MGAT1: variants seen among roughly 807,000 people sequenced by gnomAD.
MGAT1 encodes the protein N-glycosyl-oligosaccharide-glycoprotein N-acetylglucosaminyltransferase I.
In MGAT1, 14 loss-of-function variants were observed where a neutral mutation model predicts 31.7. The ratio of observed to expected loss-of-function variants is 0.44; its 90% CI spans 0.29 to 0.69. The LOEUF is 0.69. Ranked by LOEUF, MGAT1 falls within the 30% of genes least tolerant of loss-of-function variation. The pLI is 0.12. For missense variants in MGAT1, 557 were observed against 626.0 expected (o/e 0.89, Z 1.18); for synonymous variants, 338 against 276.0 (o/e 1.22, Z -2.23).
chr5:180,792,848 C>A lies in MGAT1; in HGVS notation c.124G>T (p.Ala42Ser), dbSNP rs767833331. Residue 42 changes from alanine to serine, a missense_variant, in exon 2 of 2, where the codon GCT becomes TCT. Ala to Ser is a moderately conservative substitution (Grantham distance 99). Coordinates refer to ENST00000307826, the MANE Select transcript of MGAT1 (RefSeq NM_002406.4). ...PAPGRPPSVS[A>S]LDGDPASLTR... The stretch of plus-strand genomic sequence containing the variant: ...AGGCTGGCGGGGTCGCCATCGAGAG[C>A]GCTGACTGAGGGTGGCCTGCCAGGT... 1 of 1,568,822 alleles carries A rather than the reference C, an allele frequency of 6.4e-7. No homozygotes were observed. The highest frequency in any genetic ancestry group is 8.6e-7 in the Non-Finnish European group (1 of 1,157,910).
At chr5:180,799,494 TA>T (rs1158346326) in intron 1 of MGAT1, among the ~76,000 whole-genome samples, 3 of 152,164 alleles carry the variant, frequency 2.0e-5, no homozygotes, top group Non-Finnish European at 4.4e-5. Flanking sequence ...CTCCACGCTG[TA>T]ACAGAATCTG....
At chr5:180,811,381 T>A (rs1355171339) in intron 1 of MGAT1, 1 of 152,220 alleles carries the variant, frequency 6.6e-6, no homozygotes, top group African/African-American at 2.4e-5. Flanking sequence ...ATTGCTTAAT[T>A]ATATTGCTTG....
At position 180,792,118 on chromosome 5, in the gene MGAT1, T is replaced by G; in HGVS notation, c.854A>C (p.Lys285Thr). Residue 285 changes from lysine to threonine, a missense_variant, in exon 2 of 2, where the codon AAG (lysine) becomes ACG (threonine). By Grantham distance (78) the Lys-to-Thr change is moderately conservative. Coordinates refer to ENST00000307826, the MANE Select transcript of MGAT1 (RefSeq NM_002406.4). ...CCGCATCCAGTCGTCCCAGAAGGCCTTTGGCCACTTGGGCTCCAGCTCAGC... is the reference window on the plus strand; with the variant it reads ...CCGCATCCAGTCGTCCCAGAAGGCCGTTGGCCACTTGGGCTCCAGCTCAGC... ...LWAELEPKWPKAFWDDWMRRP... is the reference protein window; with the variant it reads ...LWAELEPKWPTAFWDDWMRRP... 1 of 1,613,276 alleles carries G rather than the reference T, an allele frequency of 6.2e-7. No individual in the cohort carries two copies. Among genetic ancestry groups the G allele is most frequent in the Non-Finnish European group, 8.5e-7 (1 of 1,179,926 alleles).
chr5:180,810,567 G>C (rs1014169189), intron 1 of MGAT1: 4 of 152,320 alleles, frequency 2.6e-5, no homozygotes, highest in Non-Finnish European at 4.4e-5. Flanking sequence ...GGGCGAGGAC[G>C]CTGAAGTAGG....
At chr5:180,798,591 C>A (rs1031549947) in intron 1 of MGAT1, among the ~76,000 whole-genome samples, 6 of 152,212 alleles carry the variant, frequency 3.9e-5, no homozygotes, top group Non-Finnish European at 5.9e-5. Context: ...GATCTAAAAA[C>A]ATCCACAGTT....
At chr5:180,794,677 CCT>C (rs987942386) in intron 1 of MGAT1, among the ~76,000 whole-genome samples, 8 of 149,476 alleles carry the variant, frequency 5.4e-5, no homozygotes, top group South Asian at 4.3e-4. Flanking sequence ...GATTTGATCC[CCT>C]GTGTGGTGGT....
chr5:180,791,607 G>T lies in MGAT1; in HGVS notation c.*27C>A. On this transcript the variant is annotated 3_prime_UTR_variant, in exon 2 of 2. Transcript: ENST00000307826. ...CCACCTCAGCTCATGATGTGGCAAG[G>T]AGGGGCCCAGGAAGGACAGGCAGGT... 1.2e-6 allele frequency: 2 copies of T among 1,606,416 alleles called. No homozygotes were observed. Among genetic ancestry groups the T allele is most frequent in the Non-Finnish European group, 1.7e-6 (2 of 1,175,916 alleles).
Position 180,792,843 on chromosome 5 carries a change from G to C in MGAT1, c.129C>G (p.Leu43=). Residue 43 remains leucine (L), a synonymous_variant, in exon 2 of 2, where the codon CTC becomes CTG. Transcript: ENST00000307826. The stretch of plus-strand genomic sequence containing the variant: ...GGGTGAGGCTGGCGGGGTCGCCATC[G>C]AGAGCGCTGACTGAGGGTGGCCTGC... ...APGRPPSVSA[L]DGDPASLTRE... is the part of the protein sequence containing the mutation. 1 of 1,565,842 alleles carries C rather than the reference G, an allele frequency of 6.4e-7. No individual in the cohort carries two copies. Among genetic ancestry groups the C allele is most frequent in the East Asian group, 2.4e-5 (1 of 42,110 alleles).
intron 1 of MGAT1, chr5:180,810,381 G>A (rs1338404141): frequency 6.6e-6 from 1 of 152,582 alleles, no homozygotes; most frequent in Non-Finnish European, 1.5e-5. Flanking sequence ...GAACAGGTGT[G>A]GGCAGAACCA....
intron 1 of MGAT1, among the ~76,000 whole-genome samples, chr5:180,799,043 C>G: frequency 6.6e-6 from 1 of 152,136 alleles, no homozygotes; most frequent in Non-Finnish European, 1.5e-5. Flanking sequence ...AGCTGGTCCA[C>G]CTGTCACTAA....
At position 180,787,533 on chromosome 5, in the gene MGAT1, A is replaced by G. The variant is rs1384443873; in HGVS notation, c.*4101T>C. On this transcript the variant is annotated 3_prime_UTR_variant, in exon 2 of 2. Coordinates refer to ENST00000307826, the MANE Select transcript of MGAT1 (RefSeq NM_002406.4). ...TTGGTGGTAAATGTTTTATCTATGC[A>G]TATTATGTATAGATGTGAGGAAGAC... 1 of 152,232 alleles carries G rather than the reference A, an allele frequency of 6.6e-6. No homozygotes were observed. The highest frequency in any genetic ancestry group is 1.5e-5 in the Non-Finnish European group (1 of 68,046). 9.4% of individuals were successfully genotyped at this position (152,232 alleles called of 1,614,324 possible).
In MGAT1 at chr5:180,792,888, G is replaced by A; in HGVS notation, c.84C>T (p.Phe28=). The A allele has an allele frequency of 6.2e-7, 1 of 1,604,270 alleles. No homozygotes were observed. Among genetic ancestry groups the A allele is most frequent in the Non-Finnish European group, 8.5e-7 (1 of 1,175,960 alleles). ...VAWNALLLLF[F]WTRPAPGRPP... is the part of the protein sequence containing the mutation. Reference sequence around the variant, plus strand: ...GCCTGCCAGGTGCTGGGCGCGTCCAGAAGAAGAGGAGCAGCAGGGCATTCC... The same window carrying A: ...GCCTGCCAGGTGCTGGGCGCGTCCAAAAGAAGAGGAGCAGCAGGGCATTCC... The change falls in exon 2 of 2, where the codon TTC becomes TTT. Residue 28 remains phenylalanine, a synonymous_variant. Transcript: ENST00000307826.
intron 1 of MGAT1, chr5:180,810,670 C>CA (rs1772481934): frequency 8.9e-6 from 1 of 112,716 alleles, no homozygotes; most frequent in Admixed American, 7.7e-5. Flanking sequence ...AAAAGGGTGA[C>CA]CCCCCCCCTC....
chr5:180,815,366 A>T (rs1016374586), intron 1 of MGAT1: 1 of 152,418 alleles, frequency 6.6e-6, no homozygotes, highest in African/African-American at 2.4e-5. Context: ...CCAGGCCCAC[A>T]TGTCCAATTC....
chr5:180,799,383 G>A (rs1417553771), intron 1 of MGAT1, among the ~76,000 whole-genome samples: 1 of 152,092 alleles, frequency 6.6e-6, no homozygotes, highest in Non-Finnish European at 1.5e-5. Flanking sequence ...AGCGCCACCT[G>A]CCAGCCACCC....
At chr5:180,799,628 T>C (rs1259932213) in intron 1 of MGAT1, among the ~76,000 whole-genome samples, 2 of 152,322 alleles carry the variant, frequency 1.3e-5, no homozygotes, top group African/African-American at 2.4e-5. Flanking sequence ...CTGCTTGCAC[T>C]ATTACCGAAA....
rs1767963457 is a variant in MGAT1 at position 180,790,927 on chromosome 5, C to T, written c.*707G>A. The T allele has an allele frequency of 6.6e-6, 1 of 152,318 alleles. No homozygotes were observed. The highest frequency in any genetic ancestry group is 2.1e-4 in the South Asian group (1 of 4,836). 9.4% of individuals were successfully genotyped at this position (152,318 alleles called of 1,614,324 possible). A position where few individuals can be genotyped will look rare whatever the true frequency, so the allele number is the denominator to read the frequency against. ...GGCATAGTCCCTCTCTGAGGTAAGG[C>T]AAGAGAGAGGTTGTCCCAGCACAAG... On this transcript the variant is annotated 3_prime_UTR_variant, in exon 2 of 2. Transcript: ENST00000307826.
At position 180,791,759 on chromosome 5, in the gene MGAT1, C is replaced by A; in HGVS notation, c.1213G>T (p.Asp405Tyr). Reference protein sequence around the residue: ...KAFAKALGVMDDLKSGVPRAG... With the variant: ...KAFAKALGVMYDLKSGVPRAG... ...CTCGGAACCCCCGACTTAAGGTCAT[C>A]CATGACACCCAGAGCCTTGGCGAAA... The change falls in exon 2 of 2, where the codon GAT becomes TAT. Residue 405 changes from aspartate (D) to tyrosine (Y), a missense_variant. By Grantham distance (160) the Asp-to-Tyr change is radical. This residue lies in a region of MGAT1 where 145 missense variants were observed against 143.2 expected (regional missense o/e 1.01). Coordinates refer to ENST00000307826, the MANE Select transcript of MGAT1 (RefSeq NM_002406.4). The A allele has an allele frequency of 1.2e-6, 2 of 1,614,222 alleles. No homozygotes were observed. Among genetic ancestry groups the A allele is most frequent in the Non-Finnish European group, 1.7e-6 (2 of 1,180,048 alleles).
rs1329857525 is a variant in MGAT1 at position 180,791,828 on chromosome 5, CCAG to C, written c.1141_1143del (p.Leu381del). On this transcript the variant is annotated inframe_deletion, in exon 2 of 2. Coordinates refer to ENST00000307826, the MANE Select transcript of MGAT1 (RefSeq NM_002406.4). ...CCCGTATACTGCACCCGCACCTCCC[CCAG>C]CTCCTTCCGGTCATTGGTCCTCACT... 6.2e-7 allele frequency: 1 copy of C among 1,614,130 alleles called. No individual in the cohort carries two copies. The highest frequency in any genetic ancestry group is 1.3e-5 in the African/African-American group (1 of 74,948).
Sources: allele counts gnomAD v4.1 joint callset (sites outside exome capture counted in the v4.1 genomes callset), GRCh38; gene constraint gnomAD v4.1.1; regional missense constraint gnomAD v4.1.1; transcripts MANE v1.5; gene names NCBI Gene and HGNC (gene_info 2026-07-23, HGNC 2026-07-21).